SUGT1: variants seen among roughly 807,000 people sequenced by gnomAD.
SUGT1 encodes protein SGT1 homolog.
Under a neutral mutation model 56.1 loss-of-function variants are expected in SUGT1, and 15 were observed. The ratio of observed to expected loss-of-function variants is 0.27; its 90% CI spans 0.18 to 0.41. The LOEUF (loss-of-function observed/expected upper bound fraction) is 0.41. SUGT1 is among the 10% of genes least tolerant of loss of function. The pLI, the probability that SUGT1 is intolerant of heterozygous loss-of-function variation, is 1.00. For synonymous variants in SUGT1, 123 were observed against 128.6 expected (o/e 0.96, Z 0.30); for missense variants, 347 against 382.2 (o/e 0.91, Z 0.77).
At chr13:52,664,747 C>T in intron 8 of SUGT1, among the ~76,000 whole-genome samples, 2 of 152,122 alleles carry the variant, frequency 1.3e-5, no homozygotes, top group Non-Finnish European at 2.9e-5. Context: ...ACTCCAAGTA[C>T]CTAGTAGATA....
Position 52,653,017 on chromosome 13 carries a change from C to A in SUGT1, c.39-29C>A, listed in dbSNP as rs775500935. 3 of 1,614,174 alleles carry A rather than the reference C, an allele frequency of 1.9e-6. No individual in the cohort carries two copies. In the Admixed American group the frequency reaches 5.0e-5, roughly 27 times the overall value. On this transcript the variant is annotated intron_variant, in intron 1 of 12. Transcript: ENST00000310528. ...TATCCCCCTTTCCTTGGCTAGTGAG[C>A]CCTGCTGAAGTCGTTGTTTTCCTGA... is the stretch of plus-strand genomic sequence containing the variant.
intron 10 of SUGT1, among the ~76,000 whole-genome samples, chr13:52,672,037 G>T (rs1962967632): frequency 6.6e-6 from 1 of 152,134 alleles, no homozygotes; most frequent in African/African-American, 2.4e-5. Flanking sequence ...TAGCATGCAG[G>T]ATATGTAATA....
chr13:52,687,897 T>C lies in SUGT1; in HGVS notation c.*62T>C, dbSNP rs1173532128. ...ACCTAATGCCCATTGTGTATTGATA[T>C]TGCATTCTTGAATTTTGAACACTGA... On this transcript the variant is annotated 3_prime_UTR_variant, in exon 13 of 13. Transcript: ENST00000310528. 11 of 1,060,736 alleles carry C rather than the reference T, an allele frequency of 1.0e-5. 1 individual carries two copies. Among genetic ancestry groups the C allele is most frequent in the Admixed American group, 6.0e-5 (2 of 33,268 alleles). The allele number at this position is 1,060,736 out of a possible 1,614,324, so 65.7% of individuals were successfully genotyped here. A position where few individuals can be genotyped will look rare whatever the true frequency, so the allele number is the denominator to read the frequency against.
chr13:52,689,195 G>C lies in SUGT1; in HGVS notation c.*1360G>C, dbSNP rs1216189850. On this transcript the variant is annotated 3_prime_UTR_variant, in exon 13 of 13. Transcript: ENST00000310528. Reference sequence around the variant, plus strand: ...GGAAAGTTTCAGTAAGGTGATACCAGATGGTGCCCAAACCTGTTGTTATAG... The same window carrying C: ...GGAAAGTTTCAGTAAGGTGATACCACATGGTGCCCAAACCTGTTGTTATAG... The C allele has an allele frequency of 6.6e-6, 1 of 152,114 alleles. No individual in the cohort carries two copies. The highest frequency in any genetic ancestry group is 1.5e-5 in the Non-Finnish European group (1 of 68,040). 9.4% of individuals were successfully genotyped at this position (152,114 alleles called of 1,614,324 possible).
Position 52,688,096 on chromosome 13 carries a change from T to C in SUGT1, c.*261T>C, listed in dbSNP as rs1239414913. 8 of 219,576 alleles carry C rather than the reference T, an allele frequency of 3.6e-5. No individual in the cohort carries two copies. The highest frequency in any genetic ancestry group is 5.3e-5 in the Non-Finnish European group (6 of 112,282). The allele number at this position is 219,576 out of a possible 1,614,324, so 13.6% of individuals were successfully genotyped here. A position where few individuals can be genotyped will look rare whatever the true frequency, so the allele number is the denominator to read the frequency against. ...GTCATTTGCTCCTAGATAGATTCAT[T>C]CTATCTAGTTGTGGGGATGGAGAAA... On this transcript the variant is annotated 3_prime_UTR_variant, in exon 13 of 13. Transcript: ENST00000310528.
chr13:52,680,205 T>C, intron 12 of SUGT1, 50 bp downstream of exon 12: 1 of 1,508,666 alleles, frequency 6.6e-7, no homozygotes, highest in Non-Finnish European at 8.8e-7. Context: ...TTTTACATAT[T>C]TTAAACGAGA....
At chr13:52,678,215 T>A (rs1172912977) in intron 11 of SUGT1, among the ~76,000 whole-genome samples, 1 of 152,176 alleles carries the variant, frequency 6.6e-6, no homozygotes, top group African/African-American at 2.4e-5. Context: ...AGTGAAAATG[T>A]ACAAAGATAG....
chr13:52,666,173 C>G (rs974216281), intron 9 of SUGT1, among the ~76,000 whole-genome samples: 3 of 152,192 alleles, frequency 2.0e-5, no homozygotes, highest in Non-Finnish European at 4.4e-5. Flanking sequence ...GCAGCCTCCT[C>G]CTCCTGGGTT....
At position 52,657,385 on chromosome 13, in the gene SUGT1, T is replaced by G. The variant is rs1962219436; in HGVS notation, c.97-147T>G. ...AGTGGGGGAGATATTGATCCTTTTA[T>G]AAGGAAAAACTCCAATATTATATCC... is the stretch of plus-strand genomic sequence containing the variant. On this transcript the variant is annotated intron_variant, in intron 2 of 12. Transcript: ENST00000310528. 1.1e-5 allele frequency: 8 copies of G among 724,716 alleles called. No individual in the cohort carries two copies. In the South Asian group the frequency reaches 1.4e-4, roughly 12 times the overall value. The allele number at this position is 724,716 out of a possible 1,614,324, so 44.9% of individuals were successfully genotyped here.
Position 52,695,053 on chromosome 13 carries a change from T to C in SUGT1, c.*7218T>C, listed in dbSNP as rs1282942901. 2.0e-5 allele frequency: 3 copies of C among 152,254 alleles called. No homozygotes were observed. In the East Asian group the frequency reaches 5.8e-4, roughly 29 times the overall value. The allele number at this position is 152,254 out of a possible 1,614,324, so 9.4% of individuals were successfully genotyped here. On this transcript the variant is annotated 3_prime_UTR_variant, in exon 13 of 13. Transcript: ENST00000310528. Reference sequence around the variant, plus strand: ...TATTCTTGCCCCAAATGAATCAGTGTGGAGCATATACAAGTGTGTAGACAT... The same window carrying C: ...TATTCTTGCCCCAAATGAATCAGTGCGGAGCATATACAAGTGTGTAGACAT...
chr13:52,674,053 CTTTTTTT>C (rs765220996), intron 10 of SUGT1, among the ~76,000 whole-genome samples: 4 of 107,950 alleles, frequency 3.7e-5, no homozygotes, highest in Non-Finnish European at 5.2e-5. Flanking sequence ...AGATAGTATA[CTTTTTTT>C]TTTTTTTTTT....
At chr13:52,683,006 A>G (rs1566197232) in intron 12 of SUGT1, among the ~76,000 whole-genome samples, 1 of 152,030 alleles carries the variant, frequency 6.6e-6, no homozygotes, top group Non-Finnish European at 1.5e-5. Context: ...TCATTTTTTT[A>G]ATGTGGACAA....
At position 52,652,905 on chromosome 13, in the gene SUGT1, A is replaced by T. The variant is rs1391317879; in HGVS notation, c.-16A>T. The T allele has an allele frequency of 1.2e-6, 2 of 1,613,178 alleles. No individual in the cohort carries two copies. ...GATAGTAGCAGCTCCGGCGGCAGCA[A>T]CAGCGACTACGAGGGATGGCGGCGG... is the stretch of plus-strand genomic sequence containing the variant. On this transcript the variant is annotated 5_prime_UTR_variant, in exon 1 of 13. Coordinates refer to ENST00000310528, the MANE Select transcript of SUGT1 (RefSeq NM_006704.5).
chr13:52,690,295 C>T lies in SUGT1; in HGVS notation c.*2460C>T, dbSNP rs115506158. ...TCCAGAAAGTTAAAACAAAAAACTT[C>T]TTTCTGATTAAGAGCCTCTTAACTC... is the stretch of plus-strand genomic sequence containing the variant. On this transcript the variant is annotated 3_prime_UTR_variant, in exon 13 of 13. Transcript: ENST00000310528. 1.3e-5 allele frequency: 2 copies of T among 152,128 alleles called. No individual in the cohort carries two copies. Among genetic ancestry groups the T allele is most frequent in the Admixed American group, 6.6e-5 (1 of 15,264 alleles). 9.4% of individuals were successfully genotyped at this position (152,128 alleles called of 1,614,324 possible). A position where few individuals can be genotyped will look rare whatever the true frequency, so the allele number is the denominator to read the frequency against.
chr13:52,678,220 A>G (rs1963226916), intron 11 of SUGT1, among the ~76,000 whole-genome samples: 1 of 152,212 alleles, frequency 6.6e-6, no homozygotes, highest in Non-Finnish European at 1.5e-5. Context: ...AAATGTACAA[A>G]GATAGAAGGA....
In SUGT1 at chr13:52,657,610, G is replaced by A. The variant is rs1962229201; in HGVS notation, c.175G>A (p.Gly59Arg). The part of the protein sequence containing the change: ...CQRAYCHILL[G>R]NYCVAVADAK... Reference sequence around the variant, plus strand: ...AAGAGCTTATTGTCACATTCTTCTTGGGAATTACTGTGGTAACGTTTCTTA... The same window carrying A: ...AAGAGCTTATTGTCACATTCTTCTTAGGAATTACTGTGGTAACGTTTCTTA... Residue 59 changes from glycine to arginine, a missense_variant, in exon 3 of 13, where the codon GGG becomes AGG. Transcript: ENST00000310528. 2 of 1,613,242 alleles carry A rather than the reference G, an allele frequency of 1.2e-6. No individual in the cohort carries two copies. Among genetic ancestry groups the A allele is most frequent in the Non-Finnish European group, 1.7e-6 (2 of 1,179,576 alleles).
In SUGT1 at chr13:52,670,680, T is replaced by C. The variant is rs957829214; in HGVS notation, c.627+3761T>C. 2.8e-4 allele frequency among the ~76,000 whole-genome samples: 42 copies of C among 152,122 alleles called. No homozygotes were observed. The East Asian group carries it at 5.6e-3, about 20-fold the overall frequency. On this transcript the variant is annotated intron_variant, in intron 10 of 12. Transcript: ENST00000310528. ...AAAATGAACTGGACGTGGTGACGGG[T>C]GCCTGTAGTCCCAGCTACTCGGGAG...
At chr13:52,657,875 A>T (rs1299973557) in intron 3 of SUGT1, among the ~76,000 whole-genome samples, 1 of 152,214 alleles carries the variant, frequency 6.6e-6, no homozygotes, top group African/African-American at 2.4e-5. Flanking sequence ...ATAGCATCAC[A>T]TTTACTATTT....
intron 12 of SUGT1, among the ~76,000 whole-genome samples, chr13:52,681,052 G>A (rs1963351695): frequency 6.6e-6 from 1 of 152,092 alleles, no homozygotes; most frequent in South Asian, 2.1e-4. Context: ...TGCCCAGGCT[G>A]GTCTCGAACT....
Sources: allele counts gnomAD v4.1 joint callset (sites outside exome capture counted in the v4.1 genomes callset), GRCh38; gene constraint gnomAD v4.1.1; transcripts MANE v1.5; gene names NCBI Gene and HGNC (gene_info 2026-07-23, HGNC 2026-07-21).